CTNNA3: variants seen among roughly 807,000 people sequenced by gnomAD.
The protein encoded by CTNNA3 is catenin alpha 3, also known as catenin alpha-3.
CTNNA3 carries 76 observed loss-of-function variants against 95.7 expected under a neutral mutation model. That is an observed-to-expected ratio of 0.79 (90% CI 0.66 to 0.96). The LOEUF is 0.96. CTNNA3 is among the 40% of genes least tolerant of loss of function. The probability of loss-of-function intolerance (pLI) is 0.00; values close to 1 mark genes in which losing one functional copy is unlikely to be tolerated. For missense variants in CTNNA3, 1,191 were observed against 1,089.8 expected, an observed-to-expected ratio of 1.09 and a Z score of -1.31; for synonymous variants, 431 against 374.4, an observed-to-expected ratio of 1.15 and a Z score of -1.74.
intron 13 of CTNNA3, among the ~76,000 whole-genome samples, chr10:66,110,386 A>G (rs2082077382): frequency 6.7e-6 from 1 of 150,260 alleles, no homozygotes; most frequent in Admixed American, 6.7e-5. Flanking sequence ...AAAAAAATTC[A>G]AATCAATATG....
At chr10:66,411,462 G>A (rs562491258) in intron 11 of CTNNA3, among the ~76,000 whole-genome samples, 6 of 151,608 alleles carry the variant, frequency 4.0e-5, no homozygotes, top group African/African-American at 9.7e-5. Context: ...AGAAACTATT[G>A]TCAATATAGT....
intron 3 of CTNNA3, among the ~76,000 whole-genome samples, chr10:67,591,082 G>C (rs757380357): frequency 2.2e-4 from 34 of 152,142 alleles, no homozygotes; most frequent in Middle Eastern, 3.4e-3. Flanking sequence ...ATAGTTATGA[G>C]AAGCCAAGTG....
intron 11 of CTNNA3, among the ~76,000 whole-genome samples, chr10:66,440,667 G>A (rs200046298): frequency 1.3e-5 from 2 of 152,090 alleles, no homozygotes; most frequent in Non-Finnish European, 2.9e-5. Flanking sequence ...GAATAGGGTA[G>A]TAGTTAAAAG....
intron 7 of CTNNA3, among the ~76,000 whole-genome samples, chr10:66,845,130 G>C (rs1298016668): frequency 6.6e-6 from 1 of 152,118 alleles, no homozygotes; most frequent in Non-Finnish European, 1.5e-5. Context: ...TGAGAAATGG[G>C]TAGACTTTGC....
chr10:67,405,175 C>T (rs1177443928), intron 5 of CTNNA3, among the ~76,000 whole-genome samples: 1 of 152,142 alleles, frequency 6.6e-6, no homozygotes. Context: ...AACCAGCTAG[C>T]ATCATGATCA....
At chr10:67,464,864 G>GAA (rs796084894) in intron 5 of CTNNA3, among the ~76,000 whole-genome samples, 5 of 135,696 alleles carry the variant, frequency 3.7e-5, no homozygotes, top group East Asian at 2.1e-4. Context: ...CTGTAGGTAA[G>GAA]AAAAAAAAAA....
chr10:67,134,952 A>C (rs1860221467), intron 7 of CTNNA3, among the ~76,000 whole-genome samples: 1 of 152,110 alleles, frequency 6.6e-6, no homozygotes, highest in African/African-American at 2.4e-5. Context: ...GATTCCTAGA[A>C]GGTGGGAACA....
intron 8 of CTNNA3, among the ~76,000 whole-genome samples, chr10:66,769,381 C>G (rs1028393078): frequency 6.6e-6 from 1 of 152,300 alleles, no homozygotes; most frequent in Admixed American, 6.5e-5. Flanking sequence ...CAAAGTGTAA[C>G]TAATTCAACC....
At chr10:66,563,793 G>A (rs931278095) in intron 10 of CTNNA3, among the ~76,000 whole-genome samples, 2 of 152,102 alleles carry the variant, frequency 1.3e-5, no homozygotes, top group East Asian at 1.9e-4. Context: ...ATTGTTTCAC[G>A]AAGCCAGACT....
chr10:66,725,741 T>C (rs1848761199), intron 9 of CTNNA3, among the ~76,000 whole-genome samples: 2 of 152,106 alleles, frequency 1.3e-5, no homozygotes, highest in South Asian at 4.1e-4. Context: ...TGGTTTTGGA[T>C]GCATGAAGCA....
chr10:66,496,396 T>A (rs1291963758), intron 11 of CTNNA3, among the ~76,000 whole-genome samples: 1 of 152,214 alleles, frequency 6.6e-6, no homozygotes, highest in East Asian at 1.9e-4. Flanking sequence ...ATTTCCAGTT[T>A]GATTAAATGC....
At chr10:66,975,032 G>C (rs936734119) in intron 7 of CTNNA3, among the ~76,000 whole-genome samples, 11 of 152,236 alleles carry the variant, frequency 7.2e-5, no homozygotes, top group Admixed American at 6.5e-5. Context: ...ATGAAGAGGA[G>C]ATGAGTAATC....
chr10:66,452,717 A>T (rs1470764660), intron 11 of CTNNA3, among the ~76,000 whole-genome samples: 2 of 152,052 alleles, frequency 1.3e-5, no homozygotes, highest in Non-Finnish European at 2.9e-5. Context: ...CTTAAGGTTG[A>T]TTTTTGAGGT....
chr10:66,502,695 C>T (rs1322493807), intron 11 of CTNNA3, among the ~76,000 whole-genome samples: 1 of 151,928 alleles, frequency 6.6e-6, no homozygotes, highest in Non-Finnish European at 1.5e-5. Context: ...ACTGTGTTTG[C>T]TGCTATTTGC....
At chr10:66,516,180 A>T (rs1426676631) in intron 11 of CTNNA3, among the ~76,000 whole-genome samples, 1 of 151,746 alleles carries the variant, frequency 6.6e-6, no homozygotes, top group African/African-American at 2.4e-5. Context: ...CTTTTGTTTG[A>T]CTGGGAAAAT....
intron 3 of CTNNA3, among the ~76,000 whole-genome samples, chr10:67,557,722 C>T (rs1564737378): frequency 6.6e-6 from 1 of 152,148 alleles, no homozygotes; most frequent in Non-Finnish European, 1.5e-5. Flanking sequence ...GGGTTGTTTA[C>T]AGAATTTCTG....
chr10:66,500,330 G>C (rs1057373651), intron 11 of CTNNA3, among the ~76,000 whole-genome samples: 3 of 151,976 alleles, frequency 2.0e-5, no homozygotes, highest in African/African-American at 7.2e-5. Flanking sequence ...ACATGTTTTT[G>C]CTAAATATGA....
intron 7 of CTNNA3, among the ~76,000 whole-genome samples, chr10:66,984,843 G>GC (rs1479907819): frequency 1.3e-5 from 2 of 152,024 alleles, no homozygotes; most frequent in African/African-American, 2.4e-5. Context: ...GTAAAGACAT[G>GC]CCCCACAAAA....
chr10:66,483,890 A>G (rs1299324578), intron 11 of CTNNA3, among the ~76,000 whole-genome samples: 1 of 152,184 alleles, frequency 6.6e-6, no homozygotes, highest in Non-Finnish European at 1.5e-5. Context: ...ACTTAAAAAA[A>G]TAAGATCTAT....
Sources: allele counts gnomAD v4.1 joint callset (sites outside exome capture counted in the v4.1 genomes callset), GRCh38; gene constraint gnomAD v4.1.1; transcripts MANE v1.5; gene names NCBI Gene and HGNC (gene_info 2026-07-23, HGNC 2026-07-21).